THSD4: variants seen among roughly 807,000 people sequenced by gnomAD.
THSD4 encodes the protein thrombospondin type-1 domain-containing protein 4.
In THSD4, 69 loss-of-function variants were observed where a neutral mutation model predicts 119.0. The ratio of observed to expected loss-of-function variants is 0.58; its 90% confidence interval spans 0.48 to 0.71. The LOEUF (loss-of-function observed/expected upper bound fraction) is 0.71, where lower values mean the gene tolerates loss of function less well. THSD4 is among the 30% of genes least tolerant of loss of function. THSD4 has a pLI of 0.00. For synonymous variants in THSD4, 524 were observed against 540.4 expected, an observed-to-expected ratio of 0.97 and a Z score of 0.42; for missense variants, 1,393 against 1,391.1, an observed-to-expected ratio of 1.00 and a Z score of -0.02.
At chr15:71,341,536 T>C in intron 6 of THSD4, 3 of 1,610,996 alleles carry the variant, frequency 1.9e-6, no homozygotes, top group East Asian at 2.2e-5. Flanking sequence ...AATGTCGGAA[T>C]GGTACACACT....
At chr15:71,585,788 G>A (rs562418496) in intron 7 of THSD4, among the ~76,000 whole-genome samples, 2 of 152,146 alleles carry the variant, frequency 1.3e-5, no homozygotes, top group South Asian at 4.1e-4. Flanking sequence ...TTTTGTGTGT[G>A]TGTGTGCCTC....
Position 71,590,963 on chromosome 15 carries a change from G to A in THSD4, c.1153-69567G>A, listed in dbSNP as rs947255172. 1.7e-3 allele frequency among the ~76,000 whole-genome samples: 206 copies of A among 123,220 alleles called. 4 individuals carry two copies. Among genetic ancestry groups the A allele is most frequent in the Admixed American group, 3.7e-3 (35 of 9,398 alleles). The allele number at this position is 123,220 out of a possible 152,430, so 80.8% of individuals were successfully genotyped here. ...AGAGCTTGCAGTGAGCCAAGATCAC[G>A]CCACTGCATTCCAGCCTGGGCGACA... is the stretch of plus-strand genomic sequence containing the variant. On this transcript the variant is annotated intron_variant, in intron 7 of 17. Coordinates refer to ENST00000261862, the MANE Select transcript of THSD4 (RefSeq NM_024817.3).
At chr15:71,763,926 T>C (rs2053669408) in intron 15 of THSD4, among the ~76,000 whole-genome samples, 1 of 151,880 alleles carries the variant, frequency 6.6e-6, no homozygotes, top group East Asian at 1.9e-4. Context: ...ATTAGCCAGG[T>C]GTGGTGACAT....
intron 6 of THSD4, among the ~76,000 whole-genome samples, chr15:71,279,263 G>C (rs192354178): frequency 1.3e-5 from 2 of 152,210 alleles, no homozygotes; most frequent in East Asian, 1.9e-4. Context: ...TTAAGGTTAC[G>C]TAACAGCTCA....
chr15:71,150,496 A>G (rs1356171127), intron 2 of THSD4, among the ~76,000 whole-genome samples: 1 of 152,186 alleles, frequency 6.6e-6, no homozygotes, highest in Non-Finnish European at 1.5e-5. Context: ...CTCTGGGGGA[A>G]TTTATTCTAT....
chr15:71,158,316 G>A (rs991690988), intron 3 of THSD4, among the ~76,000 whole-genome samples: 1 of 151,886 alleles, frequency 6.6e-6, no homozygotes, highest in African/African-American at 2.4e-5. Context: ...ACCATATCTG[G>A]CTAATTTTGT....
intron 6 of THSD4, among the ~76,000 whole-genome samples, chr15:71,351,415 G>C (rs1038405891): frequency 3.3e-5 from 5 of 152,084 alleles, no homozygotes; most frequent in Non-Finnish European, 7.3e-5. Context: ...AAACAGACAT[G>C]TACTATAGAC....
At chr15:71,634,039 T>A (rs1305131398) in intron 7 of THSD4, among the ~76,000 whole-genome samples, 2 of 151,940 alleles carry the variant, frequency 1.3e-5, no homozygotes, top group Non-Finnish European at 2.9e-5. Flanking sequence ...ATACAAAAAT[T>A]AGCAGGGCAT....
chr15:71,282,087 G>A (rs1324854488), intron 6 of THSD4, among the ~76,000 whole-genome samples: 5 of 152,190 alleles, frequency 3.3e-5, no homozygotes, highest in Admixed American at 3.3e-4. Context: ...CTCAATAAAT[G>A]TTAGCTATTA....
intron 3 of THSD4, chr15:71,165,523 A>AT: frequency 1.3e-6 from 1 of 782,754 alleles, no homozygotes; most frequent in Non-Finnish European, 2.1e-6. Context: ...CAAAACAGTC[A>AT]TTTTTGTAAT....
chr15:71,156,013 T>C (rs1357831917), intron 3 of THSD4, among the ~76,000 whole-genome samples: 1 of 152,170 alleles, frequency 6.6e-6, no homozygotes, highest in African/African-American at 2.4e-5. Flanking sequence ...GTGTGTTTTA[T>C]AGTAAATGAA....
intron 8 of THSD4, among the ~76,000 whole-genome samples, chr15:71,680,855 A>G (rs890242733): frequency 6.6e-6 from 1 of 152,190 alleles, no homozygotes; most frequent in African/African-American, 2.4e-5. Flanking sequence ...CAGGTAAAGC[A>G]TCTAGCACAA....
At chr15:71,285,710 T>C (rs969067567) in intron 6 of THSD4, among the ~76,000 whole-genome samples, 3 of 151,896 alleles carry the variant, frequency 2.0e-5, no homozygotes, top group African/African-American at 7.2e-5. Flanking sequence ...AAAAATTAGC[T>C]GGGCGTAGTG....
chr15:71,250,821 G>A (rs1056138050), intron 5 of THSD4, among the ~76,000 whole-genome samples: 1 of 151,972 alleles, frequency 6.6e-6, no homozygotes, highest in African/African-American at 2.4e-5. Flanking sequence ...TGAAAGGCTG[G>A]GCTTAGTGTC....
chr15:71,218,252 G>A (rs1260741869), intron 4 of THSD4, among the ~76,000 whole-genome samples: 1 of 152,188 alleles, frequency 6.6e-6, no homozygotes, highest in Non-Finnish European at 1.5e-5. Context: ...TAGAGCCAGT[G>A]GACAAGCTGA....
Position 71,215,037 on chromosome 15 carries a change from C to A in THSD4, c.102C>A (p.Val34=). The A allele has an allele frequency of 7.8e-7, 1 of 1,285,858 alleles. No individual in the cohort carries two copies. Among genetic ancestry groups the A allele is most frequent in the South Asian group, 2.7e-5 (1 of 37,254 alleles). The allele number at this position is 1,285,858 out of a possible 1,614,324, so 79.7% of individuals were successfully genotyped here. ...CPQPSTQHRK[V]PQRMAAEGAP... is the part of the protein sequence containing the mutation. ...CTAACCTGCCTCTGTCTCCGCAGGT[C>A]CCGCAGCGGATGGCGGCGGAGGGCG... Residue 34 remains valine, a splice_region_variant and synonymous_variant, in exon 4 of 18, where the codon GTC becomes GTA. Coordinates refer to ENST00000261862, the MANE Select transcript of THSD4 (RefSeq NM_024817.3).
intron 7 of THSD4, among the ~76,000 whole-genome samples, chr15:71,523,798 TA>T (rs1567020397): frequency 1.3e-5 from 2 of 152,226 alleles, no homozygotes; most frequent in Non-Finnish European, 2.9e-5. Context: ...GAGAAAATCC[TA>T]ATTTGACACC....
intron 1 of THSD4, among the ~76,000 whole-genome samples, chr15:71,105,475 C>A (rs992723556): frequency 6.6e-6 from 1 of 152,186 alleles, no homozygotes; most frequent in African/African-American, 2.4e-5. Flanking sequence ...AAGTTTCAAC[C>A]TTCTAATCCC....
intron 7 of THSD4, among the ~76,000 whole-genome samples, chr15:71,533,675 C>A (rs926320981): frequency 1.3e-5 from 2 of 152,150 alleles, no homozygotes; most frequent in Non-Finnish European, 2.9e-5. Flanking sequence ...CTGATATTGC[C>A]TGCTTAGAGC....
Sources: gnomAD v4.1 joint callset for allele counts (sites outside exome capture counted in the v4.1 genomes callset) on GRCh38, gnomAD v4.1.1 for gene constraint, MANE v1.5 for transcripts, NCBI Gene and HGNC (gene_info 2026-07-23, HGNC 2026-07-21) for gene names.